TENT4A: variants seen among roughly 807,000 people sequenced by gnomAD.
TENT4A encodes the protein terminal nucleotidyltransferase 4A, also known as DNA polymerase kappa.
A neutral mutation model predicts 72.8 loss-of-function variants in TENT4A; 7 were observed. The ratio of observed to expected loss-of-function variants is 0.10; its 90% CI spans 0.05 to 0.18. The LOEUF (loss-of-function observed/expected upper bound fraction) is 0.18. Among genes scored for constraint, TENT4A ranks in the 10% least tolerant of loss-of-function variants. The pLI is 1.00. For missense variants in TENT4A, 831 were observed against 1,017.7 expected (o/e 0.82, Z 2.50); for synonymous variants, 456 against 434.3 (o/e 1.05, Z -0.62).
At chr5:6,753,663 T>G (rs1742535973) in intron 12 of TENT4A, among the ~76,000 whole-genome samples, 2 of 152,228 alleles carry the variant, frequency 1.3e-5, no homozygotes. Context: ...GTGTGTGATG[T>G]TCCTTGGGCT....
At chr5:6,733,938 G>T (rs73033398) in intron 1 of TENT4A, among the ~76,000 whole-genome samples, 1 of 152,182 alleles carries the variant, frequency 6.6e-6, no homozygotes, top group African/African-American at 2.4e-5. Context: ...GATAGTTGGC[G>T]ATTTAAATGG....
In TENT4A at chr5:6,755,033, C is replaced by G; in HGVS notation, c.*88C>G. The G allele has an allele frequency of 8.2e-7, 1 of 1,220,332 alleles. No homozygotes were observed. Among genetic ancestry groups the G allele is most frequent in the South Asian group, 1.8e-5 (1 of 56,682 alleles). 75.6% of individuals were successfully genotyped at this position (1,220,332 alleles called of 1,614,324 possible). On this transcript the variant is annotated 3_prime_UTR_variant, in exon 13 of 13. Coordinates refer to ENST00000230859, the MANE Select transcript of TENT4A (RefSeq NM_006999.6). ...GGCAGGGGAACCGAGACCAGCACCC[C>G]GCACGTCAGCCGGGCTCGCGGCACG...
chr5:6,714,906 C>T (rs780819374), intron 1 of TENT4A: 38 of 275,004 alleles, frequency 1.4e-4, no homozygotes, highest in Non-Finnish European at 4.0e-5. Flanking sequence ...CTACAAGTAA[C>T]AGTCCAAGAA....
chr5:6,746,088 G>C, intron 6 of TENT4A, 126 bp from the exon 7 acceptor site: 1 of 1,539,212 alleles, frequency 6.5e-7, no homozygotes, highest in Non-Finnish European at 8.7e-7. Context: ...TGGTGCTGGT[G>C]AGTGAGCGAG....
chr5:6,755,877 A>T lies in TENT4A; in HGVS notation c.*932A>T, dbSNP rs919466965. On this transcript the variant is annotated 3_prime_UTR_variant, in exon 13 of 13. Transcript: ENST00000230859. ...TTTCTAAGGAGAGAAGGGTTGTCAC[A>T]TTATAAAATCTTTAGGAAAATGTGA... 2.0e-5 allele frequency: 3 copies of T among 152,276 alleles called. No individual in the cohort carries two copies. Among genetic ancestry groups the T allele is most frequent in the Non-Finnish European group, 4.4e-5 (3 of 68,052 alleles). 9.4% of individuals were successfully genotyped at this position (152,276 alleles called of 1,614,324 possible). A position where few individuals can be genotyped will look rare whatever the true frequency, so the allele number is the denominator to read the frequency against.
chr5:6,749,545 G>A lies in TENT4A; in HGVS notation c.1587-12G>A. 1 of 1,576,422 alleles carries A rather than the reference G, an allele frequency of 6.3e-7. No homozygotes were observed. The highest frequency in any genetic ancestry group is 1.1e-5 in the South Asian group (1 of 90,358). On this transcript the variant is annotated splice_polypyrimidine_tract_variant and intron_variant, in intron 8 of 12. Coordinates refer to ENST00000230859, the MANE Select transcript of TENT4A (RefSeq NM_006999.6). The stretch of plus-strand genomic sequence containing the variant: ...TTGTACTCTGTTGATCTCCAACAAT[G>A]TCCCTTTGCAGTACTTTAGGAAGAA...
intron 1 of TENT4A, 67 bp downstream of exon 1, chr5:6,714,766 A>C: frequency 4.5e-5 from 24 of 529,852 alleles, no homozygotes; most frequent in South Asian, 1.1e-4. Flanking sequence ...CCCGCGGTGC[A>C]GACACCCGTC....
At chr5:6,726,641 G>C (rs1028340733) in intron 1 of TENT4A, among the ~76,000 whole-genome samples, 6 of 152,146 alleles carry the variant, frequency 3.9e-5, no homozygotes, top group African/African-American at 1.4e-4. Flanking sequence ...CACTCTCCTT[G>C]AATCTGCCAT....
Position 6,745,929 on chromosome 5 carries a change from A to G in TENT4A, c.1246-285A>G, listed in dbSNP as rs145203869. 3.1e-5 allele frequency: 27 copies of G among 873,280 alleles called. No homozygotes were observed. The African/African-American group carries it at 4.3e-4, about 14-fold the overall frequency. 54.1% of individuals were successfully genotyped at this position (873,280 alleles called of 1,614,324 possible). A position where few individuals can be genotyped will look rare whatever the true frequency, so the allele number is the denominator to read the frequency against. ...AGAATATAGTCCAACTTATTTGCCCATATTTGGTTAATCAGATATCTGTGT... is the reference window on the plus strand; with the variant it reads ...AGAATATAGTCCAACTTATTTGCCCGTATTTGGTTAATCAGATATCTGTGT... On this transcript the variant is annotated intron_variant, in intron 6 of 12. Transcript: ENST00000230859.
At chr5:6,745,839 G>C in intron 6 of TENT4A, 1 of 332,970 alleles carries the variant, frequency 3.0e-6, no homozygotes, top group South Asian at 2.8e-5. Flanking sequence ...TTGTGCTTCA[G>C]CATAACGAAA....
At position 6,755,780 on chromosome 5, in the gene TENT4A, T is replaced by G. The variant is rs1210416540; in HGVS notation, c.*835T>G. ...CCGTTGTCCTGCTCTGACCACAGAG[T>G]TTTAATGTTTTGGTTTTCACTTCTT... On this transcript the variant is annotated 3_prime_UTR_variant, in exon 13 of 13. Coordinates refer to ENST00000230859, the MANE Select transcript of TENT4A (RefSeq NM_006999.6). The G allele has an allele frequency of 1.3e-5, 2 of 152,088 alleles. No individual in the cohort carries two copies. Among genetic ancestry groups the G allele is most frequent in the Non-Finnish European group, 2.9e-5 (2 of 68,018 alleles). The allele number at this position is 152,088 out of a possible 1,614,324, so 9.4% of individuals were successfully genotyped here. A position where few individuals can be genotyped will look rare whatever the true frequency, so the allele number is the denominator to read the frequency against.
At chr5:6,732,031 A>G (rs749822612) in intron 1 of TENT4A, among the ~76,000 whole-genome samples, 1 of 152,094 alleles carries the variant, frequency 6.6e-6, no homozygotes, top group Non-Finnish European at 1.5e-5. Context: ...CCCTTTACCT[A>G]CTGCAGTGCA....
chr5:6,754,760 G>A lies in TENT4A; in HGVS notation c.2194G>A (p.Gly732Ser), dbSNP rs751079673. The change falls in exon 13 of 13, where the codon GGC (glycine) becomes AGC (serine). Residue 732 changes from glycine (G) to serine (S), a missense_variant. Coordinates refer to ENST00000230859, the MANE Select transcript of TENT4A (RefSeq NM_006999.6). ...CTCTCTCTTTCTCCAGCAGCACAACGGCATGAAACTGTCCATGAAGGGCTC... is the reference window on the plus strand; with the variant it reads ...CTCTCTCTTTCTCCAGCAGCACAACAGCATGAAACTGTCCATGAAGGGCTC... ...SPHLYHKQHNGMKLSMKGSHG... is the reference protein window; with the variant it reads ...SPHLYHKQHNSMKLSMKGSHG... The A allele has an allele frequency of 1.2e-5, 19 of 1,574,294 alleles. No homozygotes were observed. The highest frequency in any genetic ancestry group is 4.0e-5 in the African/African-American group (3 of 74,128).
At position 6,714,622 on chromosome 5, in the gene TENT4A, A is replaced by C. The variant is rs937734022; in HGVS notation, c.639A>C (p.Gly213=). Residue 213 remains glycine (G), a synonymous_variant, in exon 1 of 13, where the codon GGA becomes GGC. Transcript: ENST00000230859. ...LSGSRAAALS[G]GGGPGAQAPR... ...GCAGCCGCGCGGCCGCTCTCAGCGGAGGGGGCGGCCCCGGGGCCCAGGCGC... is the reference window on the plus strand; with the variant it reads ...GCAGCCGCGCGGCCGCTCTCAGCGGCGGGGGCGGCCCCGGGGCCCAGGCGC... 7.5e-6 allele frequency: 9 copies of C among 1,197,500 alleles called. No individual in the cohort carries two copies. 74.2% of individuals were successfully genotyped at this position (1,197,500 alleles called of 1,614,324 possible).
Position 6,714,401 on chromosome 5 carries a change from C to T in TENT4A, c.418C>T (p.Arg140Trp). The T allele has an allele frequency of 2.6e-6, 3 of 1,134,944 alleles. No individual in the cohort carries two copies. The highest frequency in any genetic ancestry group is 3.2e-6 in the Non-Finnish European group (3 of 927,392). The allele number at this position is 1,134,944 out of a possible 1,614,324, so 70.3% of individuals were successfully genotyped here. A position where few individuals can be genotyped will look rare whatever the true frequency, so the allele number is the denominator to read the frequency against. ...GTCCTCCAGCAGCGCCTCGCTGGGC[C>T]GGCCGGGCGGCGGCCGCGGCGGCGC... ...SSSSSSASLG[R>W]PGGGRGGAFF... Residue 140 changes from arginine to tryptophan, a missense_variant, in exon 1 of 13, where the codon CGG (arginine) becomes TGG (tryptophan). By Grantham distance (101) the Arg-to-Trp change is moderately radical. Coordinates refer to ENST00000230859, the MANE Select transcript of TENT4A (RefSeq NM_006999.6).
Position 6,737,538 on chromosome 5 carries a change from A to G in TENT4A, c.745A>G (p.Asn249Asp), listed in dbSNP as rs748261070. Residue 249 changes from asparagine (N) to aspartate (D), a missense_variant, in exon 2 of 13, where the codon AAC (asparagine) becomes GAC (aspartate). Asn to Asp is a conservative substitution (Grantham distance 23, BLOSUM62 1). Around this residue, in one of 3 missense-constraint regions of TENT4A, gnomAD observed 197 missense variants for 399.6 expected, o/e 0.49. Transcript: ENST00000230859. ...ACATGAGGAAATAATTGACTTTTAT[A>G]ACTTCATGTCCCCTTGTCCTGAAGA... The part of the protein sequence containing the change: ...GLHEEIIDFY[N>D]FMSPCPEEAA... The G allele has an allele frequency of 9.9e-6, 16 of 1,612,848 alleles. No homozygotes were observed. Among genetic ancestry groups the G allele is most frequent in the Non-Finnish European group, 1.4e-5 (16 of 1,179,346 alleles).
At chr5:6,732,472 C>T (rs1473088454) in intron 1 of TENT4A, among the ~76,000 whole-genome samples, 2 of 152,118 alleles carry the variant, frequency 1.3e-5, no homozygotes, top group Non-Finnish European at 2.9e-5. Flanking sequence ...ATACAGCAAG[C>T]ATATACCAGA....
At chr5:6,737,329 G>A (rs1190880938) in intron 1 of TENT4A, among the ~76,000 whole-genome samples, 181 bp from the exon 2 acceptor site, 1 of 152,218 alleles carries the variant, frequency 6.6e-6, no homozygotes, top group Non-Finnish European at 1.5e-5. Context: ...GTTTAGTGTT[G>A]CTAAGTCATA....
intron 3 of TENT4A, 82 bp from the exon 4 acceptor site, chr5:6,739,650 T>G: frequency 6.5e-7 from 1 of 1,542,876 alleles, no homozygotes; most frequent in Non-Finnish European, 8.9e-7. Context: ...CAGGCACATG[T>G]GCCTTGGTGC....
Sources: allele counts gnomAD v4.1 joint callset (sites outside exome capture counted in the v4.1 genomes callset), GRCh38; gene constraint gnomAD v4.1.1; regional missense constraint gnomAD v4.1.1; transcripts MANE v1.5; gene names NCBI Gene and HGNC (gene_info 2026-07-23, HGNC 2026-07-21).